The following FHIT variants were observed in gnomAD, a reference collection of about 807,000 sequenced individuals.
FHIT encodes the protein bis(5'-adenosyl)-triphosphatase.
A neutral mutation model predicts 17.9 loss-of-function variants in FHIT; 19 were observed. That is an observed-to-expected ratio of 1.06 (90% CI 0.74 to 1.56). FHIT has a LOEUF of 1.56. Among genes scored for constraint, FHIT ranks in the 40% most tolerant of loss-of-function variants. FHIT has a pLI of 0.00. For synonymous variants in FHIT, 81 were observed against 69.7 expected (o/e 1.16, Z -0.81); for missense variants, 248 against 189.2 (o/e 1.31, Z -1.82).
intron 7 of FHIT, among the ~76,000 whole-genome samples, chr3:59,965,250 G>C (rs1022593122): frequency 6.6e-6 from 1 of 152,012 alleles, no homozygotes; most frequent in Admixed American, 6.6e-5. Context: ...TATGATATAT[G>C]GATGGAGGTT....
chr3:59,831,794 GTGAAAAA>G (rs1008727159), intron 8 of FHIT, among the ~76,000 whole-genome samples: 1 of 152,072 alleles, frequency 6.6e-6, no homozygotes, highest in African/African-American at 2.4e-5. Flanking sequence ...AGGGGTGGCT[GTGAAAAA>G]TGAAAACAAT....
intron 5 of FHIT, among the ~76,000 whole-genome samples, chr3:60,084,449 C>T (rs1027160892): frequency 6.6e-5 from 10 of 152,112 alleles, no homozygotes; most frequent in Admixed American, 3.3e-4. Context: ...CCAGACCCTA[C>T]GCTATGTGTG....
At chr3:60,977,152 C>G (rs956538024) in intron 3 of FHIT, among the ~76,000 whole-genome samples, 1 of 152,134 alleles carries the variant, frequency 6.6e-6, no homozygotes, top group Non-Finnish European at 1.5e-5. Flanking sequence ...CTTCACAGAT[C>G]ATTCATAATC....
chr3:60,393,529 G>A (rs140217823), intron 5 of FHIT, among the ~76,000 whole-genome samples: 1,914 of 151,808 alleles, frequency 0.013, 46 homozygotes, highest in African/African-American at 0.043. Flanking sequence ...TTTCTAAGTG[G>A]CTTAGGAAAA....
intron 5 of FHIT, among the ~76,000 whole-genome samples, chr3:60,330,220 A>G (rs1709897623): frequency 1.3e-5 from 2 of 152,164 alleles, no homozygotes; most frequent in African/African-American, 4.8e-5. Flanking sequence ...ATTCCAGACA[A>G]TTGGTTCCTG....
chr3:60,436,198 C>T (rs2030223165), intron 5 of FHIT, among the ~76,000 whole-genome samples: 1 of 152,040 alleles, frequency 6.6e-6, no homozygotes, highest in Admixed American at 6.6e-5. Flanking sequence ...CAGGTATGCG[C>T]CACCACATCC....
intron 5 of FHIT, among the ~76,000 whole-genome samples, chr3:60,328,146 G>A (rs1391945788): frequency 7.0e-6 from 1 of 143,398 alleles, no homozygotes; most frequent in East Asian, 2.1e-4. Context: ...CTGTAAGGGA[G>A]CACAGGCAAT....
chr3:60,129,553 T>G (rs1449732670), intron 5 of FHIT, among the ~76,000 whole-genome samples: 3 of 152,190 alleles, frequency 2.0e-5, no homozygotes, highest in Admixed American at 2.0e-4. Context: ...TTCGAGGCTC[T>G]TAACAAAGCT....
intron 5 of FHIT, among the ~76,000 whole-genome samples, chr3:60,430,428 GGT>G (rs983311344): frequency 3.1e-4 from 47 of 151,876 alleles, no homozygotes; most frequent in African/African-American, 1.1e-3. Flanking sequence ...ACCTTTATGA[GGT>G]GTCTTACTTC....
At chr3:60,893,363 T>C (rs147390730) in intron 3 of FHIT, among the ~76,000 whole-genome samples, 108 of 152,370 alleles carry the variant, frequency 7.1e-4, no homozygotes, top group African/African-American at 2.4e-3. Context: ...ATAAAACTTG[T>C]ATTAAATACA....
chr3:60,581,153 T>C (rs925658313), intron 4 of FHIT, among the ~76,000 whole-genome samples: 8 of 152,100 alleles, frequency 5.3e-5, no homozygotes, highest in African/African-American at 1.7e-4. Context: ...ATTTCTACTT[T>C]ATGTATGTGA....
At chr3:60,991,560 T>G (rs1311286770) in intron 3 of FHIT, among the ~76,000 whole-genome samples, 2 of 152,194 alleles carry the variant, frequency 1.3e-5, no homozygotes, top group Non-Finnish European at 2.9e-5. Flanking sequence ...CCTGTCTTTG[T>G]CAGTACGGGT....
At chr3:60,993,936 A>G (rs1224714755) in intron 3 of FHIT, among the ~76,000 whole-genome samples, 1 of 152,172 alleles carries the variant, frequency 6.6e-6, no homozygotes, top group Non-Finnish European at 1.5e-5. Flanking sequence ...CCACGTGCCT[A>G]TTGAGCACCT....
chr3:60,930,243 G>C (rs1553771309), intron 3 of FHIT, among the ~76,000 whole-genome samples: 1 of 152,084 alleles, frequency 6.6e-6, no homozygotes, highest in Admixed American at 6.5e-5. Flanking sequence ...TTAAATGTTA[G>C]ACCTAAAACC....
intron 3 of FHIT, among the ~76,000 whole-genome samples, chr3:60,998,132 T>C (rs1446049357): frequency 6.6e-6 from 1 of 152,134 alleles, no homozygotes; most frequent in East Asian, 1.9e-4. Flanking sequence ...TTCAAGATAG[T>C]TCCCATAATT....
chr3:60,525,850 T>C (rs529866842), intron 5 of FHIT, among the ~76,000 whole-genome samples: 1 of 152,226 alleles, frequency 6.6e-6, no homozygotes, highest in African/African-American at 2.4e-5. Context: ...CACATGCCTG[T>C]AATTCCAGCA....
At chr3:60,036,393 A>G (rs1197519854) in intron 5 of FHIT, among the ~76,000 whole-genome samples, 1 of 152,138 alleles carries the variant, frequency 6.6e-6, no homozygotes, top group Admixed American at 6.5e-5. Flanking sequence ...CCGTGTCTCT[A>G]TTGGAATTCC....
chr3:60,154,969 G>GT (rs1700617416), intron 5 of FHIT, among the ~76,000 whole-genome samples: 1 of 152,072 alleles, frequency 6.6e-6, no homozygotes, highest in African/African-American at 2.4e-5. Flanking sequence ...GGAGGCCAAG[G>GT]TGAGAGGATC....
chr3:60,342,437 T>A (rs1450190936), intron 5 of FHIT, among the ~76,000 whole-genome samples: 9 of 152,228 alleles, frequency 5.9e-5, no homozygotes, highest in Non-Finnish European at 4.4e-5. Context: ...TTTAAAAAGA[T>A]TACTGTGATA....
Sources: gnomAD v4.1 joint callset for allele counts (sites outside exome capture counted in the v4.1 genomes callset) on GRCh38, gnomAD v4.1.1 for gene constraint, MANE v1.5 for transcripts, NCBI Gene and HGNC (gene_info 2026-07-23, HGNC 2026-07-21) for gene names.